The following MYH10 variants were observed in gnomAD, a reference collection of about 807,000 sequenced individuals.
MYH10 encodes myosin heavy chain 10, also known as myosin-10.
Under a neutral mutation model 257.8 loss-of-function variants are expected in MYH10, and 55 were observed. The ratio of observed to expected loss-of-function variants is 0.21; its 90% CI spans 0.17 to 0.27. MYH10 has a LOEUF of 0.27. MYH10 is among the 10% of genes least tolerant of loss of function. MYH10 has a pLI of 1.00. For missense variants in MYH10, 1,631 were observed against 2,500.6 expected (o/e 0.65, Z 7.42); for synonymous variants, 854 against 921.7 (o/e 0.93, Z 1.33).
intron 27 of MYH10, among the ~76,000 whole-genome samples, chr17:8,505,399 G>A (rs1024470646): frequency 2.0e-5 from 3 of 152,220 alleles, no homozygotes; most frequent in South Asian, 2.1e-4. Context: ...GCATCTTTTT[G>A]TTTATGTCTG....
chr17:8,555,670 G>C (rs2082769183), intron 7 of MYH10, among the ~76,000 whole-genome samples: 1 of 152,016 alleles, frequency 6.6e-6, no homozygotes, highest in Non-Finnish European at 1.5e-5. Flanking sequence ...TAAATACATG[G>C]GCTAAAACTA....
Position 8,481,588 on chromosome 17 carries a change from G to T in MYH10, c.5176-178C>A, listed in dbSNP as rs971753412. On this transcript the variant is annotated intron_variant, in intron 37 of 42. Transcript: ENST00000360416. ...AAATCTGCTCGGTGCAGGCCAGCCA[G>T]GTGGTGTGTGGTGTCAGCATCTGAC... is the stretch of plus-strand genomic sequence containing the variant. The T allele has an allele frequency of 5.8e-5, 33 of 564,964 alleles. No individual in the cohort carries two copies. In the African/African-American group the frequency reaches 6.0e-4, roughly 10 times the overall value. 35.0% of individuals were successfully genotyped at this position (564,964 alleles called of 1,614,324 possible). A position where few individuals can be genotyped will look rare whatever the true frequency, so the allele number is the denominator to read the frequency against.
intron 1 of MYH10, 170 bp from the exon 2 acceptor site, chr17:8,623,447 C>T (rs573999299): frequency 6.7e-5 from 32 of 475,938 alleles, no homozygotes; most frequent in Middle Eastern, 5.8e-4. Context: ...TAAATTTCAG[C>T]GGTGACCACA....
intron 7 of MYH10, among the ~76,000 whole-genome samples, chr17:8,560,044 T>G (rs2082934840): frequency 6.6e-6 from 1 of 152,224 alleles, no homozygotes; most frequent in African/African-American, 2.4e-5. Context: ...TATCACCTAG[T>G]TCTTATTTTA....
At chr17:8,481,538 G>A in intron 37 of MYH10, 128 bp from the exon 38 acceptor site, 1 of 792,896 alleles carries the variant, frequency 1.3e-6, no homozygotes, top group Non-Finnish European at 2.0e-6. Flanking sequence ...CTGTCATTTA[G>A]ATTTGAGAAA....
intron 37 of MYH10, among the ~76,000 whole-genome samples, chr17:8,483,649 T>C (rs555460159): frequency 3.3e-5 from 5 of 152,254 alleles, no homozygotes; most frequent in Non-Finnish European, 7.3e-5. Flanking sequence ...ACAGTTCCTA[T>C]ATGCAACACT....
chr17:8,478,339 T>A lies in MYH10; in HGVS notation c.5705A>T (p.Gln1902Leu). Residue 1902 changes from glutamine (Q) to leucine (L), a missense_variant and splice_region_variant, in exon 41 of 43, where the codon CAG becomes CTG. Gln to Leu is a moderately radical substitution (Grantham distance 113, BLOSUM62 -2). Transcript: ENST00000360416. ...CCAGGGAGGCACTTCCTCGCGTACC[T>A]GCTCTTTATACTGGTCCGCGTGTCG... ...ERRHADQYKEQMEKANARMKQ... is the reference protein window; with the variant it reads ...ERRHADQYKELMEKANARMKQ... 1 of 1,613,588 alleles carries A rather than the reference T, an allele frequency of 6.2e-7. No individual in the cohort carries two copies. Among genetic ancestry groups the A allele is most frequent in the Non-Finnish European group, 8.5e-7 (1 of 1,179,534 alleles).
At chr17:8,534,075 T>C (rs2082076610) in intron 16 of MYH10, among the ~76,000 whole-genome samples, 1 of 152,162 alleles carries the variant, frequency 6.6e-6, no homozygotes, top group Non-Finnish European at 1.5e-5. Context: ...CAGTTTCTCA[T>C]ATCCCACTCT....
intron 9 of MYH10, among the ~76,000 whole-genome samples, chr17:8,549,973 G>A (rs993860630): frequency 6.6e-6 from 1 of 150,932 alleles, no homozygotes; most frequent in Non-Finnish European, 1.5e-5. Flanking sequence ...TGCAGACGGA[G>A]TCTCGTTCAC....
rs151114650 is a variant in MYH10, at chr17:8,531,061, A to G, written c.1895-376T>C. On this transcript the variant is annotated intron_variant, in intron 16 of 42. Coordinates refer to ENST00000360416, the MANE Select transcript of MYH10 (RefSeq NM_001256012.3). Reference sequence around the variant, plus strand: ...TAGGGCATGACTGCAGTGAAGTCACAGCACTATGGCGAATGTAAGTATCAA... The same window carrying G: ...TAGGGCATGACTGCAGTGAAGTCACGGCACTATGGCGAATGTAAGTATCAA... Among the ~76,000 whole-genome samples the G allele has an allele frequency of 7.2e-4, 110 of 152,338 alleles. No homozygotes were observed. The East Asian group carries it at 0.018, about 25-fold the overall frequency.
At position 8,530,638 on chromosome 17, in the gene MYH10, G is replaced by T; in HGVS notation, c.1942C>A (p.Leu648Ile). The change falls in exon 17 of 43, where the codon CTT becomes ATT. Residue 648 changes from leucine (L) to isoleucine (I), a missense_variant. Leu to Ile is a conservative substitution (Grantham distance 5, BLOSUM62 2). Around this residue, in one of 11 missense-constraint regions of MYH10, gnomAD observed 96 missense variants for 146.2 expected, o/e 0.66. Transcript: ENST00000360416. ...ATACATTCACCTGGTGGCTCATGAAGACCAGAAACACTGTCATAGAAAGAA... is the reference window on the plus strand; with the variant it reads ...ATACATTCACCTGGTGGCTCATGAATACCAGAAACACTGTCATAGAAAGAA... Reference protein sequence around the residue: ...RASFYDSVSGLHEPPVDRIVG... With the variant: ...RASFYDSVSGIHEPPVDRIVG... 1 of 1,542,276 alleles carries T rather than the reference G, an allele frequency of 6.5e-7. No homozygotes were observed. The highest frequency in any genetic ancestry group is 1.2e-5 in the South Asian group (1 of 83,790).
intron 4 of MYH10, 58 bp from the exon 5 acceptor site, chr17:8,577,396 A>T: frequency 1.1e-6 from 1 of 945,472 alleles, no homozygotes; most frequent in East Asian, 2.4e-5. Flanking sequence ...TGCATTCCAA[A>T]ATTACAACTG....
chr17:8,579,820 T>C (rs1043050480), intron 4 of MYH10, among the ~76,000 whole-genome samples: 2 of 152,246 alleles, frequency 1.3e-5, no homozygotes, highest in Admixed American at 6.5e-5. Flanking sequence ...ACAAGTTTGA[T>C]AGCTTCACTT....
chr17:8,492,591 G>A lies in MYH10; in HGVS notation c.4459-82C>T, dbSNP rs543797517. The A allele has an allele frequency of 3.6e-4, 495 of 1,393,738 alleles. 1 individual carries two copies. The highest frequency in any genetic ancestry group is 4.3e-4 in the Non-Finnish European group (443 of 1,038,606). 86.3% of individuals were successfully genotyped at this position (1,393,738 alleles called of 1,614,324 possible). A position where few individuals can be genotyped will look rare whatever the true frequency, so the allele number is the denominator to read the frequency against. On this transcript the variant is annotated intron_variant, in intron 33 of 42. Coordinates refer to ENST00000360416, the MANE Select transcript of MYH10 (RefSeq NM_001256012.3). Reference sequence around the variant, plus strand: ...TCTTCCACCATGTGGCTGATTTATCGCTAGAGTGCTGCCACTAGATTATGG... The same window carrying A: ...TCTTCCACCATGTGGCTGATTTATCACTAGAGTGCTGCCACTAGATTATGG...
chr17:8,587,464 T>G (rs1276775077), intron 4 of MYH10, among the ~76,000 whole-genome samples: 1 of 152,166 alleles, frequency 6.6e-6, no homozygotes, highest in Admixed American at 6.5e-5. Context: ...AAATACCAAG[T>G]CTTCTACTTC....
chr17:8,561,058 A>C, intron 7 of MYH10: 1 of 583,466 alleles, frequency 1.7e-6, no homozygotes, highest in Non-Finnish European at 3.0e-6. Context: ...AATATCCTGT[A>C]ATCTTTGTGG....
chr17:8,577,401 C>T, intron 4 of MYH10, 63 bp from the exon 5 acceptor site: 1 of 897,046 alleles, frequency 1.1e-6, no homozygotes, highest in East Asian at 2.5e-5. Flanking sequence ...TCCAAAATTA[C>T]AACTGATAAA....
intron 13 of MYH10, among the ~76,000 whole-genome samples, chr17:8,543,614 C>T (rs1007039779): frequency 6.6e-6 from 1 of 151,754 alleles, no homozygotes; most frequent in Non-Finnish European, 1.5e-5. Flanking sequence ...GCTGAGATTA[C>T]AGGCATCTGC....
intron 1 of MYH10, 159 bp from the exon 2 acceptor site, chr17:8,623,436 G>T: frequency 1.8e-6 from 1 of 566,038 alleles, no homozygotes; most frequent in Non-Finnish European, 2.6e-6. Flanking sequence ...AGTTTCCAAG[G>T]TAAATTTCAG....
Sources: gnomAD v4.1 joint callset for allele counts (sites outside exome capture counted in the v4.1 genomes callset) on GRCh38, gnomAD v4.1.1 for gene constraint, gnomAD v4.1.1 regional missense constraint, MANE v1.5 for transcripts, NCBI Gene and HGNC (gene_info 2026-07-23, HGNC 2026-07-21) for gene names.